The following DENND2A variants were observed in gnomAD, a reference collection of about 807,000 sequenced individuals.
DENND2A encodes DENN domain-containing protein 2A.
In DENND2A, 53 loss-of-function variants were observed where a neutral mutation model predicts 105.3. The ratio of observed to expected loss-of-function variants is 0.50; its 90% CI spans 0.40 to 0.63. The LOEUF is 0.63. Among genes scored for constraint, DENND2A ranks in the 30% least tolerant of loss-of-function variants. The pLI is 0.00. For synonymous variants in DENND2A, 522 were observed against 508.4 expected (o/e 1.03, Z -0.36); for missense variants, 1,138 against 1,279.6 (o/e 0.89, Z 1.69).
At chr7:140,519,530 G>A (rs1321003072) in intron 19 of DENND2A, 102 bp downstream of exon 19, 1 of 984,012 alleles carries the variant, frequency 1.0e-6, no homozygotes, top group Non-Finnish European at 1.6e-6. Context: ...GTAGAGCTCT[G>A]CATTATTCAG....
At position 140,518,605 on chromosome 7, in the gene DENND2A, G is replaced by C; in HGVS notation, c.*102C>G. 3.0e-6 allele frequency: 4 copies of C among 1,315,688 alleles called. No homozygotes were observed. The highest frequency in any genetic ancestry group is 4.3e-6 in the Non-Finnish European group (4 of 926,756). 81.5% of individuals were successfully genotyped at this position (1,315,688 alleles called of 1,614,324 possible). On this transcript the variant is annotated 3_prime_UTR_variant, in exon 20 of 20. Transcript: ENST00000496613. ...AGAAGCCACCGCGGCCTCCAGTTCCGCACCGTGACAACCTGGGACCCAGCC... is the reference window on the plus strand; with the variant it reads ...AGAAGCCACCGCGGCCTCCAGTTCCCCACCGTGACAACCTGGGACCCAGCC...
intron 5 of DENND2A, among the ~76,000 whole-genome samples, chr7:140,574,795 A>T (rs2130614573): frequency 6.6e-6 from 1 of 152,138 alleles, no homozygotes; most frequent in South Asian, 2.1e-4. Context: ...GCTGAGGAGG[A>T]TCACTTGAGG....
At position 140,565,421 on chromosome 7, in the gene DENND2A, T is replaced by C. The variant is rs146747071; in HGVS notation, c.1779+1665A>G. On this transcript the variant is annotated intron_variant, in intron 9 of 19. Coordinates refer to ENST00000496613, the MANE Select transcript of DENND2A (RefSeq NM_015689.5). ...AGACACATTTTGTTTATCACTGTAA[T>C]CCCCTAGGGCCAAGCAGAAAATTGC... Among the ~76,000 whole-genome samples the C allele has an allele frequency of 6.6e-5, 10 of 152,186 alleles. No homozygotes were observed. The East Asian group carries it at 1.7e-3, about 26-fold the overall frequency.
At chr7:140,588,287 A>G (rs968437156) in intron 3 of DENND2A, among the ~76,000 whole-genome samples, 17 of 152,208 alleles carry the variant, frequency 1.1e-4, no homozygotes, top group Non-Finnish European at 2.2e-4. Context: ...TCATGCTATT[A>G]TGCTAAGTGA....
chr7:140,538,400 C>T (rs1227014054), intron 14 of DENND2A, among the ~76,000 whole-genome samples: 2 of 152,210 alleles, frequency 1.3e-5, no homozygotes, highest in Admixed American at 6.5e-5. Flanking sequence ...AGGAGGCTTT[C>T]TGCCACGTGA....
intron 14 of DENND2A, among the ~76,000 whole-genome samples, chr7:140,537,281 G>C (rs1796485394): frequency 6.6e-6 from 1 of 152,172 alleles, no homozygotes; most frequent in Admixed American, 6.6e-5. Flanking sequence ...AAAGTGCACA[G>C]CTACATATGA....
chr7:140,577,156 G>A (rs1236700549), intron 5 of DENND2A, among the ~76,000 whole-genome samples: 1 of 152,154 alleles, frequency 6.6e-6, no homozygotes, highest in Non-Finnish European at 1.5e-5. Flanking sequence ...TGGGATTTCA[G>A]TAGATATTTA....
rs58426584 is a variant in DENND2A, at chr7:140,518,447, T to TA, written c.*259dup. On this transcript the variant is annotated 3_prime_UTR_variant, in exon 20 of 20. Transcript: ENST00000496613. Reference sequence around the variant, plus strand: ...TTTTTCTTACTTTTAATATCTAAGATAAAAAAAAAAACCCAACCACCAAAA... The same window carrying TA: ...TTTTTCTTACTTTTAATATCTAAGATAAAAAAAAAAAACCCAACCACCAAAA... 18,160 of 354,288 alleles carry TA rather than the reference T, an allele frequency of 0.051. No homozygotes were observed. The highest frequency in any genetic ancestry group is 0.08 in the East Asian group (1,668 of 20,736). The allele number at this position is 354,288 out of a possible 1,614,324, so 21.9% of individuals were successfully genotyped here.
intron 14 of DENND2A, among the ~76,000 whole-genome samples, chr7:140,532,983 G>A (rs1331368686): frequency 6.8e-6 from 1 of 147,610 alleles, no homozygotes; most frequent in Non-Finnish European, 1.5e-5. Flanking sequence ...CAAAGAAAAG[G>A]CTACCTGCTT....
At chr7:140,592,509 C>A (rs894994640) in intron 3 of DENND2A, among the ~76,000 whole-genome samples, 1 of 150,188 alleles carries the variant, frequency 6.7e-6, no homozygotes, top group Non-Finnish European at 1.5e-5. Context: ...CCACGCCCAG[C>A]TAATTTTTCG....
intron 5 of DENND2A, among the ~76,000 whole-genome samples, chr7:140,583,109 G>T (rs1798609663): frequency 6.6e-6 from 1 of 151,422 alleles, no homozygotes; most frequent in African/African-American, 2.4e-5. Context: ...GGCTAACACG[G>T]TGAAACCCCA....
At chr7:140,603,319 TC>T (rs1799584342) in intron 2 of DENND2A, among the ~76,000 whole-genome samples, 3 of 152,116 alleles carry the variant, frequency 2.0e-5, no homozygotes, top group African/African-American at 7.2e-5. Flanking sequence ...AGGAGTAATT[TC>T]ACGAGGTAAA....
At chr7:140,537,784 G>A (rs747372578) in intron 14 of DENND2A, among the ~76,000 whole-genome samples, 5 of 152,140 alleles carry the variant, frequency 3.3e-5, no homozygotes, top group African/African-American at 7.2e-5. Context: ...GATTATGGGC[G>A]TGAGCCACCA....
At chr7:140,579,616 C>T (rs2536956) in intron 5 of DENND2A, among the ~76,000 whole-genome samples, 79,328 of 151,708 alleles carry the variant, frequency 0.52, 23,359 homozygotes, top group African/African-American at 0.81. Context: ...TGGTTACAAA[C>T]TCCTGACCTC....
intron 1 of DENND2A, among the ~76,000 whole-genome samples, chr7:140,639,342 A>G (rs900845862): frequency 4.6e-5 from 7 of 151,458 alleles, no homozygotes; most frequent in African/African-American, 1.7e-4. Context: ...ACAGAGCAAG[A>G]CTCTGTCTCA....
intron 5 of DENND2A, among the ~76,000 whole-genome samples, chr7:140,576,009 A>G (rs1798286145): frequency 6.6e-6 from 1 of 150,720 alleles, no homozygotes; most frequent in Non-Finnish European, 1.5e-5. Flanking sequence ...TAATGTACTG[A>G]TATGGAAGGT....
At position 140,559,245 on chromosome 7, in the gene DENND2A, G is replaced by A. The variant is rs1344946397; in HGVS notation, c.1889+463C>T. Among the ~76,000 whole-genome samples, 1 of 152,184 alleles carries A rather than the reference G, an allele frequency of 6.6e-6. No individual in the cohort carries two copies. Among genetic ancestry groups the A allele is most frequent in the Non-Finnish European group, 1.5e-5 (1 of 68,040 alleles). On this transcript the variant is annotated intron_variant, in intron 10 of 19. Transcript: ENST00000496613. This position sits in a 1 kb window ranked among gnomAD's most constrained non-coding sequence, Gnocchi z 4.1. ...TAAAGACTGCTGAGCCACCCTCAAG[G>A]AACGCGGTACCCCTTAAAGACAGGA... is the stretch of plus-strand genomic sequence containing the variant.
chr7:140,563,676 TAAAAAAAAAA>T (rs139848094), intron 9 of DENND2A, among the ~76,000 whole-genome samples: 1 of 29,210 alleles, frequency 3.4e-5, no homozygotes, highest in Non-Finnish European at 5.7e-5. Context: ...ACCATTGCAT[TAAAAAAAAAA>T]AAAAAAAAAA....
At chr7:140,534,793 A>G (rs1478738556) in intron 14 of DENND2A, among the ~76,000 whole-genome samples, 2 of 152,146 alleles carry the variant, frequency 1.3e-5, no homozygotes, top group East Asian at 1.9e-4. Context: ...CTTGCATTAC[A>G]GTGGTGTGGA....
Sources: gnomAD v4.1 joint callset for allele counts (sites outside exome capture counted in the v4.1 genomes callset) on GRCh38, gnomAD v4.1.1 for gene constraint, Gnocchi (gnomAD v3.1) non-coding constraint, MANE v1.5 for transcripts, NCBI Gene and HGNC (gene_info 2026-07-23, HGNC 2026-07-21) for gene names.